The following RIMS2 variants were observed in gnomAD, a reference collection of about 807,000 sequenced individuals.
RIMS2 encodes the protein regulating synaptic membrane exocytosis 2, also known as regulating synaptic membrane exocytosis protein 2.
Under a neutral mutation model 174.4 loss-of-function variants are expected in RIMS2, and 59 were observed. That is an observed-to-expected ratio of 0.34 (90% CI 0.27 to 0.42). The LOEUF (loss-of-function observed/expected upper bound fraction) is 0.42. Ranked by LOEUF, RIMS2 falls within the 10% of genes least tolerant of loss-of-function variation. RIMS2 has a pLI of 1.00. For synonymous variants in RIMS2, 606 were observed against 572.5 expected (o/e 1.06, Z -0.84); for missense variants, 1,620 against 1,666.3 (o/e 0.97, Z 0.48).
chr8:103,572,780 A>T (rs1409652861), intron 1 of RIMS2, among the ~76,000 whole-genome samples: 1 of 151,930 alleles, frequency 6.6e-6, no homozygotes, highest in Non-Finnish European at 1.5e-5. Flanking sequence ...AATTTATTTA[A>T]GTTCCTTATA....
intron 19 of RIMS2, among the ~76,000 whole-genome samples, chr8:104,194,414 C>T (rs1393749630): frequency 6.6e-6 from 1 of 152,084 alleles, no homozygotes; most frequent in Non-Finnish European, 1.5e-5. Flanking sequence ...TTCTTGAAAA[C>T]ATCTTTAAAT....
At chr8:104,038,629 A>G (rs2096558146) in intron 19 of RIMS2, among the ~76,000 whole-genome samples, 4 of 151,928 alleles carry the variant, frequency 2.6e-5, no homozygotes, top group Admixed American at 2.6e-4. Flanking sequence ...GTTTCACTGA[A>G]GTCTGCTATT....
At chr8:103,966,987 G>T (rs1054014645) in intron 15 of RIMS2, among the ~76,000 whole-genome samples, 1 of 151,712 alleles carries the variant, frequency 6.6e-6, no homozygotes, top group South Asian at 2.1e-4. Context: ...ATTTGCTAAG[G>T]TGTGTTTTAT....
chr8:103,645,327 C>G (rs1428330045), intron 1 of RIMS2, among the ~76,000 whole-genome samples: 3 of 151,952 alleles, frequency 2.0e-5, no homozygotes, highest in Admixed American at 6.6e-5. Context: ...AAAGAGAATA[C>G]AGGATATAAT....
intron 17 of RIMS2, among the ~76,000 whole-genome samples, chr8:104,000,118 T>C (rs1198421850): frequency 2.0e-5 from 3 of 151,660 alleles, no homozygotes; most frequent in Non-Finnish European, 4.4e-5. Flanking sequence ...ACCTAGACAA[T>C]ATGGGTAGAA....
chr8:104,094,213 T>C (rs1037276588), intron 19 of RIMS2, among the ~76,000 whole-genome samples: 2 of 152,064 alleles, frequency 1.3e-5, no homozygotes, highest in Non-Finnish European at 2.9e-5. Flanking sequence ...AAAAATTTTA[T>C]AACAGGGAGA....
chr8:104,079,062 G>A (rs2097355328), intron 19 of RIMS2, among the ~76,000 whole-genome samples: 1 of 151,920 alleles, frequency 6.6e-6, no homozygotes, highest in Non-Finnish European at 1.5e-5. Flanking sequence ...TTTTAATTAT[G>A]AGTAAGTCTT....
chr8:104,175,776 C>A (rs980840902), intron 19 of RIMS2, among the ~76,000 whole-genome samples: 1 of 152,072 alleles, frequency 6.6e-6, no homozygotes, highest in South Asian at 2.1e-4. Flanking sequence ...TAGAGGAATT[C>A]TTTCTGTAAA....
At chr8:104,081,153 T>A (rs1257388806) in intron 19 of RIMS2, among the ~76,000 whole-genome samples, 1 of 152,022 alleles carries the variant, frequency 6.6e-6, no homozygotes, top group African/African-American at 2.4e-5. Flanking sequence ...GATTGGCCAT[T>A]TTCAGGTCAT....
chr8:103,949,662 A>G (rs1422508136), intron 14 of RIMS2, among the ~76,000 whole-genome samples: 1 of 152,212 alleles, frequency 6.6e-6, no homozygotes, highest in African/African-American at 2.4e-5. Flanking sequence ...AATGTATAGC[A>G]TTAAAGACTT....
chr8:104,127,741 AC>A (rs762131112), intron 19 of RIMS2, among the ~76,000 whole-genome samples: 6 of 152,312 alleles, frequency 3.9e-5, no homozygotes, highest in African/African-American at 4.8e-5. Flanking sequence ...GCAAAAAAAA[AC>A]AATAAAAAAG....
At chr8:103,601,705 A>G (rs928228768) in intron 1 of RIMS2, among the ~76,000 whole-genome samples, 1 of 150,870 alleles carries the variant, frequency 6.6e-6, no homozygotes, top group South Asian at 2.1e-4. Flanking sequence ...TTTGTTATTT[A>G]TTTTCTGGTT....
At chr8:103,882,322 A>T (rs1223028413) in intron 3 of RIMS2, among the ~76,000 whole-genome samples, 2 of 151,576 alleles carry the variant, frequency 1.3e-5, no homozygotes, top group African/African-American at 4.8e-5. Flanking sequence ...GAAGTTTAAA[A>T]TTTAAAGGAC....
intron 1 of RIMS2, among the ~76,000 whole-genome samples, chr8:103,553,380 G>C (rs1848945165): frequency 6.6e-6 from 1 of 152,030 alleles, no homozygotes; most frequent in Non-Finnish European, 1.5e-5. Context: ...CTCACTCATA[G>C]GTGGGAATTT....
intron 19 of RIMS2, among the ~76,000 whole-genome samples, chr8:104,082,256 A>G (rs942275285): frequency 1.2e-4 from 18 of 152,214 alleles, no homozygotes; most frequent in South Asian, 2.1e-4. Context: ...AGAGAGGGAA[A>G]GAATGGAGGA....
chr8:103,871,402 A>G (rs188855805), intron 3 of RIMS2, among the ~76,000 whole-genome samples: 2 of 152,292 alleles, frequency 1.3e-5, no homozygotes, highest in East Asian at 3.9e-4. Flanking sequence ...TAAATAAATA[A>G]CTAAATAAAG....
chr8:103,618,564 G>A (rs1427425171), intron 1 of RIMS2, among the ~76,000 whole-genome samples: 1 of 152,118 alleles, frequency 6.6e-6, no homozygotes, highest in South Asian at 2.1e-4. Context: ...GGGAATTATT[G>A]TGTGAGACCA....
chr8:103,575,981 A>G (rs1034477090), intron 1 of RIMS2, among the ~76,000 whole-genome samples: 8 of 152,224 alleles, frequency 5.3e-5, no homozygotes, highest in African/African-American at 1.2e-4. Context: ...ACCCAGGGGA[A>G]ACATCAGGAG....
At chr8:104,036,832 G>A (rs2096528655) in intron 19 of RIMS2, among the ~76,000 whole-genome samples, 2 of 152,036 alleles carry the variant, frequency 1.3e-5, no homozygotes, top group South Asian at 2.1e-4. Context: ...AGCCAAGATC[G>A]TGCCACTTCA....
Sources: allele counts gnomAD v4.1 joint callset (sites outside exome capture counted in the v4.1 genomes callset), GRCh38; gene constraint gnomAD v4.1.1; transcripts MANE v1.5; gene names NCBI Gene and HGNC (gene_info 2026-07-23, HGNC 2026-07-21).